Variants in DMD observed in about 807,000 individuals in gnomAD.
DMD encodes mutant dystrophin.
Under a neutral mutation model 330.1 loss-of-function variants are expected in DMD, and 63 were observed. The observed-to-expected ratio is 0.19, with a 90% CI of 0.16 to 0.24. DMD has a LOEUF of 0.24. Among genes scored for constraint, DMD ranks in the 10% least tolerant of loss-of-function variants. DMD has a pLI of 1.00. For synonymous variants in DMD, 1,223 were observed against 959.8 expected (o/e 1.27, Z -5.07); for missense variants, 3,344 against 2,684.1 (o/e 1.25, Z -5.43).
intron 47 of DMD, among the ~76,000 whole-genome samples, chrX:31,907,898 G>A (rs1212214669): frequency 8.9e-6 from 1 of 112,364 alleles, no homozygotes; most frequent in African/African-American, 3.2e-5. Flanking sequence ...TCGAAAAGTC[G>A]GCCAAGGATA....
intron 55 of DMD, among the ~76,000 whole-genome samples, chrX:31,547,488 G>A (rs934700103): frequency 2.7e-5 from 3 of 111,837 alleles, no homozygotes; most frequent in African/African-American, 9.7e-5. Context: ...ATATATCTTC[G>A]GGGAAAGCTG....
chrX:31,319,743 A>G (rs368878587), intron 62 of DMD, among the ~76,000 whole-genome samples: 13 of 112,528 alleles, frequency 1.2e-4, no homozygotes, highest in African/African-American at 4.2e-4. Flanking sequence ...ATACTGGAAC[A>G]TCCTGCATGC....
At chrX:32,911,838 C>A (rs1362568303) in intron 2 of DMD, among the ~76,000 whole-genome samples, 1 of 111,201 alleles carries the variant, frequency 9.0e-6, no homozygotes, top group African/African-American at 3.3e-5. Context: ...AGAATCTAAG[C>A]AGACACAAAA....
chrX:31,810,873 T>C (rs2092438882), intron 50 of DMD, among the ~76,000 whole-genome samples: 1 of 111,890 alleles, frequency 8.9e-6, no homozygotes, highest in Non-Finnish European at 1.9e-5. Context: ...GTCAAGATTA[T>C]GGTATACTCT....
intron 29 of DMD, among the ~76,000 whole-genome samples, chrX:32,426,278 A>G (rs1376466478): frequency 3.6e-5 from 4 of 111,910 alleles, no homozygotes; most frequent in African/African-American, 9.8e-5. Context: ...TAACTTAAAC[A>G]AATTTATTTT....
intron 1 of DMD, among the ~76,000 whole-genome samples, chrX:33,318,289 A>G (rs1384296295): frequency 9.0e-6 from 1 of 111,001 alleles, no homozygotes; most frequent in Non-Finnish European, 1.9e-5. Context: ...CCAGAGAAAT[A>G]AAGTTCTCTA....
intron 48 of DMD, among the ~76,000 whole-genome samples, chrX:31,861,651 T>C (rs2093701709): frequency 1.0e-5 from 1 of 99,156 alleles, no homozygotes; most frequent in Admixed American, 1.1e-4. Flanking sequence ...TGTGTGTGTG[T>C]GTGTGTGTGT....
chrX:32,824,255 C>A (rs746049182), intron 4 of DMD, among the ~76,000 whole-genome samples: 2 of 111,351 alleles, frequency 1.8e-5, no homozygotes, highest in South Asian at 7.5e-4. Flanking sequence ...GGCTCTTGAG[C>A]ATTTATCTCA....
intron 17 of DMD, among the ~76,000 whole-genome samples, chrX:32,531,079 T>G (rs950374914): frequency 4.5e-5 from 5 of 111,625 alleles, no homozygotes; most frequent in Non-Finnish European, 7.5e-5. Context: ...GAAAATATGG[T>G]GACAAATGAA....
At chrX:32,847,884 C>T (rs1048532926) in intron 3 of DMD, among the ~76,000 whole-genome samples, 4 of 111,491 alleles carry the variant, frequency 3.6e-5, no homozygotes, top group South Asian at 3.7e-4. Flanking sequence ...TTAATTTTGC[C>T]GAAATTAGTG....
chrX:32,544,414 G>A (rs80077309), intron 17 of DMD, among the ~76,000 whole-genome samples: 2 of 111,456 alleles, frequency 1.8e-5, no homozygotes, highest in African/African-American at 6.5e-5. Context: ...AAAACATACG[G>A]CAGATTTTAA....
chrX:32,582,650 G>A (rs2053775420), intron 13 of DMD, among the ~76,000 whole-genome samples: 1 of 111,318 alleles, frequency 9.0e-6, no homozygotes, highest in African/African-American at 3.3e-5. Flanking sequence ...AGATCGAAAT[G>A]GCCAAAAGCA....
At chrX:32,826,966 T>C (rs909681333) in intron 4 of DMD, among the ~76,000 whole-genome samples, 1 of 109,295 alleles carries the variant, frequency 9.1e-6, no homozygotes, top group Non-Finnish European at 1.9e-5. Flanking sequence ...TTTTTTTTGC[T>C]AATTAAAAAA....
chrX:33,037,412 A>T (rs1252700403), intron 1 of DMD, among the ~76,000 whole-genome samples: 1 of 110,762 alleles, frequency 9.0e-6, no homozygotes, highest in African/African-American at 3.3e-5. Flanking sequence ...ATTGGTATTT[A>T]TCTGCCATAA....
intron 45 of DMD, among the ~76,000 whole-genome samples, chrX:31,953,857 G>A (rs780471036): frequency 4.5e-5 from 5 of 111,801 alleles, no homozygotes; most frequent in Non-Finnish European, 9.4e-5. Context: ...AAGATACCAT[G>A]TTACATACTT....
At chrX:32,357,008 C>G (rs1220643359) in intron 37 of DMD, among the ~76,000 whole-genome samples, 1 of 111,322 alleles carries the variant, frequency 9.0e-6, no homozygotes, top group Non-Finnish European at 1.9e-5. Flanking sequence ...CCCTCCTCAG[C>G]CTCCCAAGTA....
chrX:32,205,854 T>G (rs1403597980), intron 44 of DMD: 1 of 282,679 alleles, frequency 3.5e-6, no homozygotes, highest in South Asian at 4.4e-5. Context: ...TCCTTTATCA[T>G]CATCTGCCTT....
At chrX:31,391,014 G>A (rs1312044603) in intron 60 of DMD, among the ~76,000 whole-genome samples, 1 of 111,723 alleles carries the variant, frequency 9.0e-6, no homozygotes, top group Non-Finnish European at 1.9e-5. Flanking sequence ...TCATATGACT[G>A]ACCTAACCTT....
intron 43 of DMD, among the ~76,000 whole-genome samples, chrX:32,261,268 CTTCAGAAAGGTTAACTCT>C (rs781504016): frequency 2.0e-4 from 22 of 111,778 alleles, no homozygotes; most frequent in Admixed American, 3.8e-4. Context: ...AGGAGTGCTG[CTTCAGAAAGGTTAACTCT>C]TTCAAAAGAA....
Sources: gnomAD v4.1 joint callset for allele counts (sites outside exome capture counted in the v4.1 genomes callset) on GRCh38, gnomAD v4.1.1 for gene constraint, MANE v1.5 for transcripts, NCBI Gene and HGNC (gene_info 2026-07-23, HGNC 2026-07-21) for gene names.